TMC5: variants seen among roughly 807,000 people sequenced by gnomAD.
TMC5 encodes the protein transmembrane channel-like protein 5.
In TMC5, 86 loss-of-function variants were observed where a neutral mutation model predicts 110.5. That is an observed-to-expected ratio of 0.78 (90% CI 0.65 to 0.93). The LOEUF is 0.93. TMC5 is among the 40% of genes least tolerant of loss of function. The pLI, the probability that TMC5 is intolerant of heterozygous loss-of-function variation, is 0.00. For missense variants in TMC5, 1,144 were observed against 1,222.8 expected (o/e 0.94, Z 0.96); for synonymous variants, 455 against 439.5 (o/e 1.04, Z -0.44).
intron 11 of TMC5, among the ~76,000 whole-genome samples, chr16:19,473,805 C>T (rs1017813415): frequency 1.3e-5 from 2 of 152,126 alleles, no homozygotes; most frequent in South Asian, 2.1e-4. Flanking sequence ...CATGGGGAAA[C>T]CCCATCTCTA....
At chr16:19,433,884 G>T (rs991897215) in intron 2 of TMC5, among the ~76,000 whole-genome samples, 1 of 148,248 alleles carries the variant, frequency 6.7e-6, no homozygotes, top group Admixed American at 6.9e-5. Flanking sequence ...ACAATGGTGC[G>T]GTCATAGCTC....
At position 19,474,137 on chromosome 16, in the gene TMC5, C is replaced by T; in HGVS notation, c.1951C>T (p.His651Tyr). ...CCATCCCCTGCAGTTCCTGAAGACACACAGTAACCCTGGGGCGGTGCTGTT... is the reference window on the plus strand; with the variant it reads ...CCATCCCCTGCAGTTCCTGAAGACATACAGTAACCCTGGGGCGGTGCTGTT... ...AEYNLEFLKT[H>Y]SNPGAVLLLP... The change falls in exon 12 of 22, where the codon CAC (histidine) becomes TAC (tyrosine). Residue 651 changes from histidine to tyrosine, a missense_variant. Coordinates refer to ENST00000542583, the MANE Select transcript of TMC5 (RefSeq NM_001261841.2). 1 of 1,613,770 alleles carries T rather than the reference C, an allele frequency of 6.2e-7. No individual in the cohort carries two copies. The highest frequency in any genetic ancestry group is 8.5e-7 in the Non-Finnish European group (1 of 1,179,988).
At chr16:19,428,771 A>G (rs1239784329) in intron 1 of TMC5, among the ~76,000 whole-genome samples, 1 of 152,158 alleles carries the variant, frequency 6.6e-6, no homozygotes, top group Non-Finnish European at 1.5e-5. Context: ...ACAAACAAAC[A>G]AAAAGGACAA....
intron 10 of TMC5, among the ~76,000 whole-genome samples, chr16:19,470,212 G>A (rs1968301949): frequency 7.1e-6 from 1 of 141,746 alleles, no homozygotes; most frequent in Non-Finnish European, 1.5e-5. Context: ...TTTTTTTAAC[G>A]GAATCTCACT....
At chr16:19,496,624 C>T (rs1969058841) in intron 20 of TMC5, among the ~76,000 whole-genome samples, 1 of 151,964 alleles carries the variant, frequency 6.6e-6, no homozygotes, top group Non-Finnish European at 1.5e-5. Context: ...GTGGCTCACG[C>T]CTGTAATCCC....
chr16:19,466,599 G>A (rs149711135), intron 9 of TMC5, among the ~76,000 whole-genome samples: 5 of 152,268 alleles, frequency 3.3e-5, no homozygotes, highest in East Asian at 1.9e-4. Context: ...TGGTCCACCC[G>A]CCTCGGCCTC....
rs1194784680 is a variant in TMC5, at chr16:19,434,406, C to T, written c.-80+3766C>T. Among the ~76,000 whole-genome samples the T allele has an allele frequency of 5.8e-5, 7 of 121,446 alleles. 1 individual carries two copies. The highest frequency in any genetic ancestry group is 2.4e-4 in the South Asian group (1 of 4,090). The allele number at this position is 121,446 out of a possible 152,430, so 79.7% of individuals were successfully genotyped here. A position where few individuals can be genotyped will look rare whatever the true frequency, so the allele number is the denominator to read the frequency against. ...TATAATATAGATATAATATATATAT[C>T]ATATATATCTATATATAATATGTAT... is the stretch of plus-strand genomic sequence containing the variant. On this transcript the variant is annotated intron_variant, in intron 2 of 21. Coordinates refer to ENST00000542583, the MANE Select transcript of TMC5 (RefSeq NM_001261841.2).
chr16:19,454,355 G>A (rs1027358235), intron 5 of TMC5, among the ~76,000 whole-genome samples: 1 of 152,116 alleles, frequency 6.6e-6, no homozygotes, highest in Admixed American at 6.6e-5. Flanking sequence ...AAGAATGAAT[G>A]AATGATATAC....
At chr16:19,432,745 T>C (rs911738448) in intron 2 of TMC5, among the ~76,000 whole-genome samples, 7 of 152,350 alleles carry the variant, frequency 4.6e-5, no homozygotes, top group African/African-American at 1.7e-4. Context: ...TCTTGTCAAA[T>C]GGCAATGGAA....
chr16:19,440,432 C>A lies in TMC5; in HGVS notation c.394C>A (p.Gln132Lys), dbSNP rs1365115065. ...CAGACAACCAGACTACCCTGGATCTCAACGAAATCCTGATTTTGCAGGCTC... is the reference window on the plus strand; with the variant it reads ...CAGACAACCAGACTACCCTGGATCTAAACGAAATCCTGATTTTGCAGGCTC... ...SSRQPDYPGSQRNPDFAGSSS... is the reference protein window; with the variant it reads ...SSRQPDYPGSKRNPDFAGSSS... Residue 132 changes from glutamine (Q) to lysine (K), a missense_variant, in exon 3 of 22, where the codon CAA becomes AAA. Transcript: ENST00000542583. The A allele has an allele frequency of 1.2e-6, 2 of 1,614,084 alleles. No homozygotes were observed. Among genetic ancestry groups the A allele is most frequent in the Non-Finnish European group, 8.5e-7 (1 of 1,180,036 alleles).
intron 7 of TMC5, 91 bp from the exon 8 acceptor site, chr16:19,463,685 C>T: frequency 1.4e-6 from 2 of 1,464,014 alleles, no homozygotes; most frequent in Admixed American, 2.0e-5. Flanking sequence ...ATACTCCAGA[C>T]ATGGTGGCTG....
chr16:19,477,061 A>G (rs13330677), intron 12 of TMC5: 66,688 of 213,826 alleles, frequency 0.31, 15,803 homozygotes, highest in African/African-American at 0.74. Flanking sequence ...CCTGGCTAAC[A>G]TGGTGAAATC....
At chr16:19,483,207 G>T (rs1334413225) in intron 15 of TMC5, among the ~76,000 whole-genome samples, 1 of 152,086 alleles carries the variant, frequency 6.6e-6, no homozygotes, top group Non-Finnish European at 1.5e-5. Flanking sequence ...GCTCAGGCTG[G>T]AGTGCAGTGG....
At chr16:19,480,109 CA>C (rs1014892763) in intron 14 of TMC5, among the ~76,000 whole-genome samples, 141 of 152,192 alleles carry the variant, frequency 9.3e-4, no homozygotes, top group African/African-American at 3.1e-3. Flanking sequence ...TTTTCAAAAG[CA>C]AAAATGGAGT....
At chr16:19,412,565 A>G (rs1196956109) in intron 1 of TMC5, among the ~76,000 whole-genome samples, 2 of 152,004 alleles carry the variant, frequency 1.3e-5, no homozygotes, top group Non-Finnish European at 2.9e-5. Flanking sequence ...ATGGGCTTTC[A>G]TCATGTTGGC....
At chr16:19,436,288 A>G (rs1967346303) in intron 2 of TMC5, among the ~76,000 whole-genome samples, 1 of 147,114 alleles carries the variant, frequency 6.8e-6, no homozygotes, top group African/African-American at 2.5e-5. Flanking sequence ...AAAAAAAGAA[A>G]GGAAAAAGAA....
rs752341612 is a variant in TMC5, at chr16:19,440,666, G to A, written c.628G>A (p.Ala210Thr). The A allele has an allele frequency of 4.6e-5, 74 of 1,614,036 alleles. No homozygotes were observed. The East Asian group carries it at 4.9e-4, about 11-fold the overall frequency. ...DSLGKPDYPG[A>T]DIQPNSPPFF... ...TCTGGGAAAGCCTGATTATCCAGGC[G>A]CTGACATTCAACCTAACTCTCCACC... The change falls in exon 3 of 22, where the codon GCT becomes ACT. Residue 210 changes from alanine to threonine, a missense_variant. By Grantham distance (58) the Ala-to-Thr change is moderately conservative (BLOSUM62 0). Coordinates refer to ENST00000542583, the MANE Select transcript of TMC5 (RefSeq NM_001261841.2).
intron 8 of TMC5, among the ~76,000 whole-genome samples, chr16:19,464,879 T>C (rs2143594089): frequency 6.6e-6 from 1 of 151,950 alleles, no homozygotes; most frequent in East Asian, 1.9e-4. Context: ...GATAGATACA[T>C]ACTTGATAAA....
At chr16:19,445,736 G>A (rs748833111) in intron 4 of TMC5, among the ~76,000 whole-genome samples, 19 of 152,148 alleles carry the variant, frequency 1.2e-4, no homozygotes, top group Admixed American at 2.0e-4. Context: ...GGATTGATGA[G>A]CCTTGAGGAG....
Sources: allele counts gnomAD v4.1 joint callset (sites outside exome capture counted in the v4.1 genomes callset), GRCh38; gene constraint gnomAD v4.1.1; transcripts MANE v1.5; gene names NCBI Gene and HGNC (gene_info 2026-07-23, HGNC 2026-07-21).